The following RIMS1 variants were observed in gnomAD, a reference collection of about 807,000 sequenced individuals.
RIMS1 encodes regulating synaptic membrane exocytosis 1, also known as regulating synaptic membrane exocytosis protein 1.
A neutral mutation model predicts 214.1 loss-of-function variants in RIMS1; 83 were observed. The ratio of observed to expected loss-of-function variants is 0.39; its 90% confidence interval spans 0.32 to 0.47. The LOEUF is 0.47. Ranked by LOEUF, RIMS1 falls within the 20% of genes least tolerant of loss-of-function variation. The probability of loss-of-function intolerance (pLI) is 0.99; values close to 1 mark genes in which losing one functional copy is unlikely to be tolerated. For missense variants in RIMS1, 2,050 were observed against 2,161.8 expected (o/e 0.95, Z 1.03); for synonymous variants, 793 against 786.8 (o/e 1.01, Z -0.13).
In RIMS1 at chr6:72,242,220, A is replaced by G. The variant is rs921536888; in HGVS notation, c.1958-94A>G. The G allele has an allele frequency of 3.6e-5, 35 of 966,300 alleles. 1 individual carries two copies. In the Admixed American group the frequency reaches 5.2e-4, roughly 14 times the overall value. 59.9% of individuals were successfully genotyped at this position (966,300 alleles called of 1,614,324 possible). A position where few individuals can be genotyped will look rare whatever the true frequency, so the allele number is the denominator to read the frequency against. ...GAGCCTAGACAATTAAACTATTTGTATATGTTTTGCATTTCTTTGTTAAAA... is the reference window on the plus strand; with the variant it reads ...GAGCCTAGACAATTAAACTATTTGTGTATGTTTTGCATTTCTTTGTTAAAA... On this transcript the variant is annotated intron_variant, in intron 9 of 33. Coordinates refer to ENST00000521978, the MANE Select transcript of RIMS1 (RefSeq NM_014989.7).
chr6:71,913,721 G>A (rs1020489178), intron 1 of RIMS1, among the ~76,000 whole-genome samples: 2 of 152,048 alleles, frequency 1.3e-5, no homozygotes, highest in African/African-American at 4.8e-5. Flanking sequence ...CTGGTATGTA[G>A]GATGTAGGAA....
intron 1 of RIMS1, among the ~76,000 whole-genome samples, chr6:71,893,107 T>C (rs1266808931): frequency 1.3e-5 from 2 of 152,196 alleles, no homozygotes; most frequent in African/African-American, 4.8e-5. Context: ...GTTAAAACTG[T>C]AGAACACCAA....
intron 2 of RIMS1, among the ~76,000 whole-genome samples, chr6:72,015,269 G>T (rs1445770318): frequency 1.3e-5 from 2 of 152,062 alleles, no homozygotes; most frequent in African/African-American, 2.4e-5. Flanking sequence ...TTTCCAATGT[G>T]GTATTATGTT....
intron 2 of RIMS1, among the ~76,000 whole-genome samples, chr6:72,009,847 CA>C (rs1284203624): frequency 2.6e-5 from 4 of 151,980 alleles, no homozygotes; most frequent in Non-Finnish European, 5.9e-5. Flanking sequence ...GCTTCCCAAC[CA>C]AAAAAATCCA....
rs188562198 is a variant in RIMS1, at chr6:72,032,133, T to C, written c.245+63070T>C. On this transcript the variant is annotated intron_variant, in intron 2 of 33. Coordinates refer to ENST00000521978, the MANE Select transcript of RIMS1 (RefSeq NM_014989.7). Reference sequence around the variant, plus strand: ...TGTATAGGAGAGAGTGAGAGGTGTGTGTGTGTAGGGGTGTGTGTTTGTGGG... The same window carrying C: ...TGTATAGGAGAGAGTGAGAGGTGTGCGTGTGTAGGGGTGTGTGTTTGTGGG... Among the ~76,000 whole-genome samples, 17 of 152,020 alleles carry C rather than the reference T, an allele frequency of 1.1e-4. No individual in the cohort carries two copies. In the East Asian group the frequency reaches 3.1e-3, roughly 28 times the overall value.
At chr6:72,366,310 G>A (rs371765872) in intron 29 of RIMS1, among the ~76,000 whole-genome samples, 2 of 152,098 alleles carry the variant, frequency 1.3e-5, no homozygotes, top group African/African-American at 2.4e-5. Context: ...ACAAGAGATC[G>A]ATATAGAACC....
chr6:72,233,653 C>T (rs550358960), intron 6 of RIMS1, 120 bp from the exon 7 acceptor site: 6 of 747,910 alleles, frequency 8.0e-6, no homozygotes, highest in Admixed American at 4.1e-5. Flanking sequence ...CATCATTCTG[C>T]GATGTACACG....
At chr6:72,337,923 T>C (rs1324999058) in intron 29 of RIMS1, among the ~76,000 whole-genome samples, 1 of 151,788 alleles carries the variant, frequency 6.6e-6, no homozygotes, top group Non-Finnish European at 1.5e-5. Context: ...TAAGAACTCA[T>C]CGTTTTTTAT....
rs537055017 is a variant in RIMS1 at position 72,229,372 on chromosome 6, C to G, written c.1679-4401C>G. On this transcript the variant is annotated intron_variant, in intron 6 of 33. Coordinates refer to ENST00000521978, the MANE Select transcript of RIMS1 (RefSeq NM_014989.7). Reference sequence around the variant, plus strand: ...TGAAAGATAATTTATGTAAATTTTGCAACAGTACACATAGATTTATTTATA... The same window carrying G: ...TGAAAGATAATTTATGTAAATTTTGGAACAGTACACATAGATTTATTTATA... Among the ~76,000 whole-genome samples the G allele has an allele frequency of 1.7e-3, 254 of 151,848 alleles. 2 individuals are homozygous for G. The highest frequency in any genetic ancestry group is 2.4e-3 in the Non-Finnish European group (162 of 67,788).
intron 10 of RIMS1, among the ~76,000 whole-genome samples, chr6:72,245,565 C>T (rs1206700985): frequency 6.6e-6 from 1 of 151,888 alleles, no homozygotes; most frequent in Non-Finnish European, 1.5e-5. Context: ...TGATTTTAAC[C>T]ACAATATTAG....
chr6:72,251,050 C>G lies in RIMS1; in HGVS notation c.2502C>G (p.Asp834Glu). Residue 834 changes from aspartate to glutamate, a missense_variant, in exon 14 of 34, where the codon GAC (aspartate) becomes GAG (glutamate). By Grantham distance (45) the Asp-to-Glu change is conservative. Coordinates refer to ENST00000521978, the MANE Select transcript of RIMS1 (RefSeq NM_014989.7). ...GAATGTTAGAAATAACTGTGTGGGA[C>G]CAACCAAGAGTGCAAGAAGAAGAAA... ...RERMLEITVW[D>E]QPRVQEEESE... 6.3e-7 allele frequency: 1 copy of G among 1,585,434 alleles called. No homozygotes were observed. Among genetic ancestry groups the G allele is most frequent in the Non-Finnish European group, 8.6e-7 (1 of 1,164,782 alleles).
At chr6:72,161,054 C>T (rs1375676824) in intron 4 of RIMS1, among the ~76,000 whole-genome samples, 1 of 139,712 alleles carries the variant, frequency 7.2e-6, no homozygotes, top group Admixed American at 7.3e-5. Flanking sequence ...ATTATTGCCT[C>T]AATTTCAGAA....
At chr6:71,969,116 A>G in intron 2 of RIMS1, 53 bp downstream of exon 2, 2 of 1,526,842 alleles carry the variant, frequency 1.3e-6, no homozygotes, top group South Asian at 2.2e-5. Context: ...TACACAGATC[A>G]TGGTTACAGA....
intron 22 of RIMS1, chr6:72,266,322 G>C: frequency 2.1e-6 from 1 of 474,002 alleles, no homozygotes; most frequent in Non-Finnish European, 3.9e-6. Flanking sequence ...TTCCCCTTTT[G>C]TTGCTGTTCA....
intron 28 of RIMS1, among the ~76,000 whole-genome samples, chr6:72,319,125 C>T (rs1170216966): frequency 6.6e-6 from 1 of 151,392 alleles, no homozygotes; most frequent in Non-Finnish European, 1.5e-5. Context: ...GGATCATGGC[C>T]CTAGAGACTT....
intron 29 of RIMS1, among the ~76,000 whole-genome samples, chr6:72,349,812 T>C (rs2097381696): frequency 6.6e-6 from 1 of 152,086 alleles, no homozygotes; most frequent in Non-Finnish European, 1.5e-5. Context: ...CAACCTATTA[T>C]TCAATTGTTT....
intron 1 of RIMS1, among the ~76,000 whole-genome samples, chr6:71,964,976 A>G (rs1794025021): frequency 6.6e-6 from 1 of 152,172 alleles, no homozygotes; most frequent in African/African-American, 2.4e-5. Context: ...CAAATCAGAA[A>G]ATTGTATATT....
intron 2 of RIMS1, among the ~76,000 whole-genome samples, chr6:72,075,258 C>A (rs1192471678): frequency 4.0e-5 from 6 of 151,820 alleles, no homozygotes; most frequent in Admixed American, 3.9e-4. Context: ...ATTAAAAAAA[C>A]AAAACAAAAC....
chr6:72,096,849 C>A, intron 2 of RIMS1, 100 bp from the exon 3 acceptor site: 1 of 1,012,102 alleles, frequency 9.9e-7, no homozygotes, highest in Non-Finnish European at 1.5e-6. Context: ...GTTCAAAGAG[C>A]TATGCTTCCT....
Sources: gnomAD v4.1 joint callset for allele counts (sites outside exome capture counted in the v4.1 genomes callset) on GRCh38, gnomAD v4.1.1 for gene constraint, MANE v1.5 for transcripts, NCBI Gene and HGNC (gene_info 2026-07-23, HGNC 2026-07-21) for gene names.